Variants in EIF2AK4 observed in about 807,000 individuals in gnomAD.
EIF2AK4 encodes the protein eIF-2-alpha kinase GCN2.
A neutral mutation model predicts 211.1 loss-of-function variants in EIF2AK4; 139 were observed. The ratio of observed to expected loss-of-function variants is 0.66; its 90% CI spans 0.57 to 0.76. The LOEUF (loss-of-function observed/expected upper bound fraction) is 0.76, where lower values mean the gene tolerates loss of function less well. Among genes scored for constraint, EIF2AK4 ranks in the 30% least tolerant of loss-of-function variants. The pLI is 0.00. For missense variants in EIF2AK4, 1,664 were observed against 2,043.8 expected (o/e 0.81, Z 3.58); for synonymous variants, 710 against 751.3 (o/e 0.94, Z 0.90).
In EIF2AK4 at chr15:39,961,880, G is replaced by A. The variant is rs1391860292; in HGVS notation, c.840G>A (p.Val280=). The change falls in exon 7 of 39, where the codon GTG becomes GTA. Residue 280 remains valine (V), a synonymous_variant. Transcript: ENST00000263791. The part of the protein sequence containing the change: ...FNMGSPDQLM[V]HKGKCIGSDE... Reference sequence around the variant, plus strand: ...TGGGGAGTCCTGATCAGCTCATGGTGCACAAAGGGAAATGTATTGGTGAGT... The same window carrying A: ...TGGGGAGTCCTGATCAGCTCATGGTACACAAAGGGAAATGTATTGGTGAGT... The A allele has an allele frequency of 5.0e-6, 8 of 1,613,236 alleles. No homozygotes were observed. The highest frequency in any genetic ancestry group is 5.9e-6 in the Non-Finnish European group (7 of 1,179,684).
intron 3 of EIF2AK4, among the ~76,000 whole-genome samples, 198 bp downstream of exon 3, chr15:39,943,683 G>C (rs1387887422): frequency 1.3e-5 from 2 of 152,166 alleles, no homozygotes; most frequent in Non-Finnish European, 2.9e-5. Context: ...TCTGAAAATT[G>C]CTAGGCATGG....
At chr15:39,950,482 T>C (rs1483008640) in intron 4 of EIF2AK4, among the ~76,000 whole-genome samples, 2 of 151,256 alleles carry the variant, frequency 1.3e-5, no homozygotes, top group African/African-American at 4.9e-5. Flanking sequence ...TCCCAGCCAC[T>C]CAGGAGTCTG....
intron 6 of EIF2AK4, among the ~76,000 whole-genome samples, chr15:39,957,591 A>G (rs1402555415): frequency 6.6e-6 from 1 of 152,020 alleles, no homozygotes; most frequent in Non-Finnish European, 1.5e-5. Context: ...TTTACATAAC[A>G]CTTAGCACTA....
chr15:40,010,130 C>T (rs914560568), intron 26 of EIF2AK4, among the ~76,000 whole-genome samples: 3 of 152,176 alleles, frequency 2.0e-5, no homozygotes, highest in South Asian at 2.1e-4. Flanking sequence ...GACTGAGCCC[C>T]GCTCTGTGAG....
intron 13 of EIF2AK4, among the ~76,000 whole-genome samples, chr15:39,981,735 A>G (rs563882931): frequency 6.6e-6 from 1 of 152,302 alleles, no homozygotes; most frequent in South Asian, 2.1e-4. Flanking sequence ...GTATTCAAAT[A>G]CATCTATTGA....
chr15:40,001,882 C>A (rs1056901187), intron 21 of EIF2AK4, among the ~76,000 whole-genome samples: 1 of 152,056 alleles, frequency 6.6e-6, no homozygotes, highest in Non-Finnish European at 1.5e-5. Context: ...CAAGCAGTTT[C>A]TGAAGTGTAG....
intron 38 of EIF2AK4, 99 bp downstream of exon 38, chr15:40,034,543 C>T: frequency 1.1e-6 from 1 of 881,418 alleles, no homozygotes; most frequent in South Asian, 1.5e-5. Flanking sequence ...AGGTTTGACG[C>T]CTGGTAAGCT....
At chr15:39,946,714 C>G in intron 3 of EIF2AK4, 3 of 697,034 alleles carry the variant, frequency 4.3e-6, no homozygotes, top group Non-Finnish European at 7.8e-6. Flanking sequence ...GATGCAGCAA[C>G]TTCATTGTTG....
At chr15:40,025,794 A>T (rs562851739) in intron 32 of EIF2AK4, among the ~76,000 whole-genome samples, 183 bp from the exon 33 acceptor site, 1 of 152,242 alleles carries the variant, frequency 6.6e-6, no homozygotes, top group Non-Finnish European at 1.5e-5. Context: ...TACCTACTAC[A>T]TGCCAGTTGC....
In EIF2AK4 at chr15:39,990,297, C is replaced by G. The variant is rs776999481; in HGVS notation, c.2551C>G (p.Pro851Ala). The G allele has an allele frequency of 1.9e-6, 3 of 1,614,186 alleles. No individual in the cohort carries two copies. The highest frequency in any genetic ancestry group is 1.1e-5 in the South Asian group (1 of 91,084). ...GGGAATGATTCACCGGGATTTGAAGCCTGTCAACATTTTTTTGGATTCTGA... is the reference window on the plus strand; with the variant it reads ...GGGAATGATTCACCGGGATTTGAAGGCTGTCAACATTTTTTTGGATTCTGA... ...EKGMIHRDLK[P>A]VNIFLDSDDH... The change falls in exon 16 of 39, where the codon CCT (proline) becomes GCT (alanine). Residue 851 changes from proline (P) to alanine (A), a missense_variant. Pro to Ala is a conservative substitution (Grantham distance 27). This residue lies in a region of EIF2AK4 where 622 missense variants were observed against 796.8 expected (regional missense o/e 0.78). Transcript: ENST00000263791.
intron 35 of EIF2AK4, among the ~76,000 whole-genome samples, chr15:40,031,689 A>G (rs538520634): frequency 6.6e-6 from 1 of 151,970 alleles, no homozygotes; most frequent in African/African-American, 2.4e-5. Context: ...CTGAGATCAT[A>G]TTGCTAGACA....
chr15:40,028,166 A>AG (rs2035490649), intron 33 of EIF2AK4, among the ~76,000 whole-genome samples: 1 of 151,186 alleles, frequency 6.6e-6, no homozygotes, highest in Non-Finnish European at 1.5e-5. Flanking sequence ...TTAACCTCCC[A>AG]GGCTCAGGTG....
At chr15:39,981,729 T>C (rs919631183) in intron 13 of EIF2AK4, among the ~76,000 whole-genome samples, 4 of 152,144 alleles carry the variant, frequency 2.6e-5, no homozygotes, top group Non-Finnish European at 5.9e-5. Flanking sequence ...TTATAAGTAT[T>C]CAAATACATC....
At chr15:39,992,742 G>T (rs188265208) in intron 17 of EIF2AK4, 27 bp from the exon 18 acceptor site, 1 of 1,605,310 alleles carries the variant, frequency 6.2e-7, no homozygotes, top group Non-Finnish European at 8.5e-7. Flanking sequence ...TTATTGGGAC[G>T]TTTTCCCTCT....
At chr15:39,999,579 C>G (rs1003267707) in intron 20 of EIF2AK4, among the ~76,000 whole-genome samples, 1 of 152,144 alleles carries the variant, frequency 6.6e-6, no homozygotes, top group Non-Finnish European at 1.5e-5. Flanking sequence ...TGCCACTTTT[C>G]TAGACTTTAA....
At chr15:40,024,649 C>T (rs58367544) in intron 32 of EIF2AK4, among the ~76,000 whole-genome samples, 17,985 of 150,508 alleles carry the variant, frequency 0.12, 2,047 homozygotes, top group East Asian at 0.4. Flanking sequence ...CCACCCACCT[C>T]GGCTCCCCAA....
intron 3 of EIF2AK4, 89 bp from the exon 4 acceptor site, chr15:39,949,027 G>A (rs145585847): frequency 1.0e-4 from 155 of 1,498,804 alleles, no homozygotes; most frequent in South Asian, 6.1e-4. Flanking sequence ...GCCTCTGACC[G>A]CCAGTTTGCT....
intron 4 of EIF2AK4, among the ~76,000 whole-genome samples, chr15:39,952,631 G>C (rs1400619803): frequency 6.6e-6 from 1 of 151,902 alleles, no homozygotes; most frequent in Non-Finnish European, 1.5e-5. Flanking sequence ...TCTTCCTACA[G>C]ATATTACTAT....
intron 29 of EIF2AK4, 52 bp from the exon 30 acceptor site, chr15:40,019,041 A>G (rs2035347779): frequency 7.5e-7 from 1 of 1,336,068 alleles, no homozygotes; most frequent in Admixed American, 2.0e-5. Flanking sequence ...TTTCCCCGTA[A>G]TCACAGTTTC....
Sources: gnomAD v4.1 joint callset for allele counts (sites outside exome capture counted in the v4.1 genomes callset) on GRCh38, gnomAD v4.1.1 for gene constraint, gnomAD v4.1.1 regional missense constraint, MANE v1.5 for transcripts, NCBI Gene and HGNC (gene_info 2026-07-23, HGNC 2026-07-21) for gene names.